Variants in PIK3CB observed in about 807,000 individuals in gnomAD.
PIK3CB encodes the protein phosphatidylinositol 4,5-bisphosphate 3-kinase catalytic subunit beta isoform.
In PIK3CB, 39 loss-of-function variants were observed where a neutral mutation model predicts 136.8. The observed-to-expected ratio is 0.29, with a 90% CI of 0.22 to 0.37. The LOEUF is 0.37. Among genes scored for constraint, PIK3CB ranks in the 10% least tolerant of loss-of-function variants. PIK3CB has a pLI of 1.00. For synonymous variants in PIK3CB, 428 were observed against 436.6 expected (o/e 0.98, Z 0.25); for missense variants, 868 against 1,275.4 (o/e 0.68, Z 4.87).
intron 2 of PIK3CB, among the ~76,000 whole-genome samples, chr3:138,781,833 G>A (rs1208382765): frequency 2.0e-5 from 3 of 152,086 alleles, no homozygotes; most frequent in African/African-American, 7.2e-5. Context: ...AGTAAAAGAG[G>A]ATCACTTGAC....
At chr3:138,679,936 TAA>T (rs61222749) in intron 19 of PIK3CB, among the ~76,000 whole-genome samples, 220 of 110,806 alleles carry the variant, frequency 2.0e-3, no homozygotes, top group African/African-American at 5.2e-3. Flanking sequence ...AACACAAAAG[TAA>T]AAAAAAAAAA....
At chr3:138,674,225 A>C (rs1017990009) in intron 19 of PIK3CB, among the ~76,000 whole-genome samples, 15 of 152,024 alleles carry the variant, frequency 9.9e-5, no homozygotes, top group African/African-American at 3.6e-4. Context: ...CATGCAAAGG[A>C]AAGAGCTTAC....
chr3:138,767,136 T>C lies in PIK3CB; in HGVS notation c.-16-7777A>G, dbSNP rs149234237. ...TTGCAGTGAGCCAAGATCGTGCCAC[T>C]GCACTCCAACCTGGGTGACAGAGAC... On this transcript the variant is annotated intron_variant, in intron 2 of 23. Coordinates refer to ENST00000674063, the MANE Select transcript of PIK3CB (RefSeq NM_006219.3). Among the ~76,000 whole-genome samples, 312 of 152,200 alleles carry C rather than the reference T, an allele frequency of 2.0e-3. 1 individual carries two copies. Among genetic ancestry groups the C allele is most frequent in the African/African-American group, 7.1e-3 (295 of 41,530 alleles).
At chr3:138,818,653 T>C (rs1475506549) in intron 1 of PIK3CB, among the ~76,000 whole-genome samples, 3 of 152,072 alleles carry the variant, frequency 2.0e-5, no homozygotes, top group African/African-American at 7.2e-5. Context: ...CCTCACTCTC[T>C]CCTCTCAGGC....
At position 138,684,606 on chromosome 3, in the gene PIK3CB, G is replaced by T. The variant is rs759577116; in HGVS notation, c.2315+19C>A. 3.2e-6 allele frequency: 5 copies of T among 1,571,084 alleles called. No individual in the cohort carries two copies. The highest frequency in any genetic ancestry group is 4.3e-6 in the Non-Finnish European group (5 of 1,157,476). The stretch of plus-strand genomic sequence containing the variant: ...TTGCTATTCATAGGAGATTCACTGC[G>T]CAAAGCACAGTCACTTACTAGAGTT... On this transcript the variant is annotated intron_variant, in intron 17 of 23. Transcript: ENST00000674063.
At chr3:138,711,076 T>TC in intron 10 of PIK3CB, among the ~76,000 whole-genome samples, 1 of 149,650 alleles carries the variant, frequency 6.7e-6, no homozygotes, top group South Asian at 2.1e-4. Flanking sequence ...AGAGCGAGAC[T>TC]CCATCTCAAA....
At chr3:138,662,112 T>A (rs1408552415) in intron 21 of PIK3CB, among the ~76,000 whole-genome samples, 2 of 149,284 alleles carry the variant, frequency 1.3e-5, no homozygotes, top group Non-Finnish European at 3.0e-5. Flanking sequence ...GCATTGGTAA[T>A]CTTTTTTTTT....
chr3:138,736,899 T>C (rs565246341), intron 6 of PIK3CB, among the ~76,000 whole-genome samples: 2 of 152,348 alleles, frequency 1.3e-5, no homozygotes, highest in African/African-American at 4.8e-5. Flanking sequence ...AAGTTTTCCT[T>C]TAGTTAGCTA....
intron 19 of PIK3CB, among the ~76,000 whole-genome samples, chr3:138,667,215 A>C (rs1413640009): frequency 6.6e-5 from 10 of 151,162 alleles, no homozygotes; most frequent in African/African-American, 2.4e-4. Flanking sequence ...CTCAAAAAAA[A>C]AAAAAAAAAA....
intron 1 of PIK3CB, among the ~76,000 whole-genome samples, chr3:138,811,121 G>A (rs915727776): frequency 6.6e-6 from 1 of 151,136 alleles, no homozygotes; most frequent in African/African-American, 2.4e-5. Context: ...CAGTTACTCA[G>A]GAGGCTGAGG....
intron 15 of PIK3CB, among the ~76,000 whole-genome samples, chr3:138,689,546 C>G (rs1167053319): frequency 6.6e-6 from 1 of 152,272 alleles, no homozygotes; most frequent in Non-Finnish European, 1.5e-5. Context: ...CCACCTTGGC[C>G]TCCCAAAGTG....
intron 8 of PIK3CB, among the ~76,000 whole-genome samples, chr3:138,722,158 C>A (rs1171386499): frequency 7.2e-6 from 1 of 138,064 alleles, no homozygotes. Context: ...TATTTCCTGT[C>A]AATTAACTAT....
At chr3:138,763,371 T>A (rs1176023286) in intron 2 of PIK3CB, among the ~76,000 whole-genome samples, 3 of 152,098 alleles carry the variant, frequency 2.0e-5, no homozygotes, top group Admixed American at 2.0e-4. Flanking sequence ...ACTCCTGACC[T>A]CATGATCCAC....
intron 8 of PIK3CB, among the ~76,000 whole-genome samples, chr3:138,728,787 A>T (rs2044900590): frequency 6.6e-6 from 1 of 151,896 alleles, no homozygotes; most frequent in South Asian, 2.1e-4. Flanking sequence ...CTCAAAAAAA[A>T]AAAAAAGAAA....
intron 2 of PIK3CB, among the ~76,000 whole-genome samples, chr3:138,769,810 C>T (rs114834030): frequency 0.021 from 3,270 of 152,250 alleles, 65 homozygotes; most frequent in South Asian, 0.068. Context: ...ACTACACAAA[C>T]AGTTCAGCCT....
intron 16 of PIK3CB, among the ~76,000 whole-genome samples, chr3:138,685,849 A>G (rs1489951333): frequency 6.6e-6 from 1 of 152,156 alleles, no homozygotes; most frequent in East Asian, 1.9e-4. Flanking sequence ...TTAAAATTCA[A>G]CTTTAGGCTG....
intron 8 of PIK3CB, among the ~76,000 whole-genome samples, chr3:138,720,567 T>C (rs2044704796): frequency 6.6e-6 from 1 of 152,160 alleles, no homozygotes; most frequent in African/African-American, 2.4e-5. Flanking sequence ...TGTTTTCAAA[T>C]GTAAAATTAC....
chr3:138,772,783 CTTTTTTT>C (rs776881626), intron 2 of PIK3CB, among the ~76,000 whole-genome samples: 1 of 112,216 alleles, frequency 8.9e-6, no homozygotes, highest in African/African-American at 3.6e-5. Context: ...TATTTATTCT[CTTTTTTT>C]TTTTTTTTTT....
At chr3:138,684,031 TA>T (rs2043834140) in intron 17 of PIK3CB, among the ~76,000 whole-genome samples, 1 of 152,220 alleles carries the variant, frequency 6.6e-6, no homozygotes, top group Non-Finnish European at 1.5e-5. Context: ...CTTCTCCACT[TA>T]ACATTCCTTC....
Sources: allele counts gnomAD v4.1 joint callset (sites outside exome capture counted in the v4.1 genomes callset), GRCh38; gene constraint gnomAD v4.1.1; transcripts MANE v1.5; gene names NCBI Gene and HGNC (gene_info 2026-07-23, HGNC 2026-07-21).